Variants in KIAA0232 observed in about 807,000 individuals in gnomAD.
The protein encoded by KIAA0232 is uncharacterized protein KIAA0232.
Under a neutral mutation model 122.0 loss-of-function variants are expected in KIAA0232, and 27 were observed. The observed-to-expected ratio is 0.22, with a 90% CI of 0.16 to 0.31. KIAA0232 has a LOEUF of 0.31. KIAA0232 is among the 10% of genes least tolerant of loss of function. The pLI is 1.00. For synonymous variants in KIAA0232, 613 were observed against 587.6 expected (o/e 1.04, Z -0.63); for missense variants, 1,551 against 1,634.2 (o/e 0.95, Z 0.88).
rs184510006 is a variant in KIAA0232, at chr4:6,845,972, C to A, written c.369+3768C>A. 2.1e-3 allele frequency among the ~76,000 whole-genome samples: 314 copies of A among 152,118 alleles called. 1 individual carries two copies. The highest frequency in any genetic ancestry group is 4.0e-3 in the Non-Finnish European group (270 of 68,004). ...GGGAATGGTTGTGGCTTATAAAGAT[C>A]TTTGATTCTTTAGGTTATTGCTTTG... On this transcript the variant is annotated intron_variant, in intron 4 of 9. Coordinates refer to ENST00000307659, the MANE Select transcript of KIAA0232 (RefSeq NM_014743.3).
chr4:6,837,650 G>A (rs1577386318), intron 3 of KIAA0232, among the ~76,000 whole-genome samples: 1 of 152,364 alleles, frequency 6.6e-6, no homozygotes, highest in East Asian at 1.9e-4. Flanking sequence ...GCGAGACTCC[G>A]TCTGCAATCC....
rs1187885904 is a variant in KIAA0232, at chr4:6,855,017, C to CCT, written c.370-2144_370-2143dup. ...AAGGGTGATGACAGCTTCTGCTGTG[C>CCT]CTCTATGCTTCCCAGCTTGCTGTGA... On this transcript the variant is annotated intron_variant, in intron 4 of 9. Coordinates refer to ENST00000307659, the MANE Select transcript of KIAA0232 (RefSeq NM_014743.3). The surrounding 1 kb of genome is among the most constrained non-coding windows in gnomAD (Gnocchi z 4.3). 6.6e-6 allele frequency among the ~76,000 whole-genome samples: 1 copy of CCT among 152,118 alleles called. No individual in the cohort carries two copies. Among genetic ancestry groups the CCT allele is most frequent in the African/African-American group, 2.4e-5 (1 of 41,424 alleles).
Position 6,864,009 on chromosome 4 carries a change from G to C in KIAA0232, c.3627G>C (p.Gln1209His). The change falls in exon 7 of 10, where the codon CAG becomes CAC. Residue 1209 changes from glutamine to histidine, a missense_variant. Physicochemically the swap from Gln to His is conservative, Grantham distance 24. Coordinates refer to ENST00000307659, the MANE Select transcript of KIAA0232 (RefSeq NM_014743.3). ...TTCTTTCAGTAGGAAAGCAAAATCA[G>C]TGTTTGGAATGTAGCATGAATGAAT... Reference protein sequence around the residue: ...TGILSVGKQNQCLECSMNESL... With the variant: ...TGILSVGKQNHCLECSMNESL... 1.9e-6 allele frequency: 3 copies of C among 1,614,158 alleles called. 1 individual carries two copies. Among genetic ancestry groups the C allele is most frequent in the Admixed American group, 1.7e-5 (1 of 60,026 alleles).
At chr4:6,804,231 T>C (rs1717513125) in intron 1 of KIAA0232, among the ~76,000 whole-genome samples, 1 of 152,206 alleles carries the variant, frequency 6.6e-6, no homozygotes, top group Non-Finnish European at 1.5e-5. Flanking sequence ...GTTTGTTAAA[T>C]ACAGGTATTC....
rs16839341 is a variant in KIAA0232, at chr4:6,805,730, G to T, written c.-270+1124G>T. Among the ~76,000 whole-genome samples the T allele has an allele frequency of 8.1e-3, 1,238 of 152,156 alleles. 14 individuals are homozygous for T. The highest frequency in any genetic ancestry group is 0.029 in the African/African-American group (1,186 of 41,522). ...ATTTTATATGATAAAATGTTTCAAC[G>T]TTGACAAAGTGGGTTTCATCATGTT... On this transcript the variant is annotated intron_variant, in intron 2 of 9. Coordinates refer to ENST00000307659, the MANE Select transcript of KIAA0232 (RefSeq NM_014743.3).
chr4:6,798,776 C>T lies in KIAA0232; in HGVS notation c.-353-5747C>T, dbSNP rs139792773. On this transcript the variant is annotated intron_variant, in intron 1 of 9. Coordinates refer to ENST00000307659, the MANE Select transcript of KIAA0232 (RefSeq NM_014743.3). ...TGTGTTGTCCAGGCTGGTCTCAAAC[C>T]CCTGGGCTCAAGCCATCCTCCTGCC... Among the ~76,000 whole-genome samples, 505 of 152,178 alleles carry T rather than the reference C, an allele frequency of 3.3e-3. 1 individual carries two copies. Among genetic ancestry groups the T allele is most frequent in the African/African-American group, 0.012 (496 of 41,532 alleles).
In KIAA0232 at chr4:6,881,139, C is replaced by G; in HGVS notation, c.*173C>G. 2.1e-6 allele frequency: 1 copy of G among 475,864 alleles called. No homozygotes were observed. The highest frequency in any genetic ancestry group is 3.5e-6 in the Non-Finnish European group (1 of 287,246). 29.5% of individuals were successfully genotyped at this position (475,864 alleles called of 1,614,324 possible). ...TTATTTTAGAGTTGAGGACAGCTAT[C>G]CTGTTAAAGATTTTTTTTCCCAGCT... On this transcript the variant is annotated 3_prime_UTR_variant, in exon 10 of 10. Transcript: ENST00000307659.
chr4:6,874,013 A>G (rs1721627182), intron 8 of KIAA0232, among the ~76,000 whole-genome samples: 1 of 152,188 alleles, frequency 6.6e-6, no homozygotes, highest in Non-Finnish European at 1.5e-5. Context: ...CTGACCTGGG[A>G]GCTCACAGCA....
intron 8 of KIAA0232, 88 bp downstream of exon 8, chr4:6,871,770 A>G (rs1721502796): frequency 2.5e-6 from 2 of 814,040 alleles, no homozygotes; most frequent in African/African-American, 3.4e-5. Flanking sequence ...TATCAGTCCA[A>G]GAAACATTTA....
chr4:6,865,426 A>C (rs925457649), intron 7 of KIAA0232, among the ~76,000 whole-genome samples: 1 of 152,136 alleles, frequency 6.6e-6, no homozygotes, highest in Non-Finnish European at 1.5e-5. Flanking sequence ...CAGCCTCCCA[A>C]GTAGCTGGGA....
chr4:6,871,796 G>T, intron 8 of KIAA0232, 114 bp downstream of exon 8: 1 of 688,274 alleles, frequency 1.5e-6, no homozygotes, highest in Non-Finnish European at 2.5e-6. Flanking sequence ...AGGTTTCTGT[G>T]TGGGTAGCAC....
In KIAA0232 at chr4:6,842,208, A is replaced by G. The variant is rs1435584491; in HGVS notation, c.369+4A>G. ...TCTTCGATCTGCTTCTGATGAAGTA[A>G]GTTTACATTTTGTTTCTAACACTTA... is the stretch of plus-strand genomic sequence containing the variant. On this transcript the variant is annotated splice_donor_region_variant and intron_variant, in intron 4 of 9. Coordinates refer to ENST00000307659, the MANE Select transcript of KIAA0232 (RefSeq NM_014743.3). 1 of 1,591,992 alleles carries G rather than the reference A, an allele frequency of 6.3e-7. No homozygotes were observed. The highest frequency in any genetic ancestry group is 1.1e-5 in the South Asian group (1 of 87,254).
intron 1 of KIAA0232, among the ~76,000 whole-genome samples, chr4:6,788,946 G>GA (rs1217783498): frequency 6.6e-6 from 1 of 150,766 alleles, no homozygotes; most frequent in Non-Finnish European, 1.5e-5. Flanking sequence ...TGTGTGTAAA[G>GA]AAAAAAATCT....
At chr4:6,816,158 A>G (rs1718112963) in intron 2 of KIAA0232, among the ~76,000 whole-genome samples, 1 of 151,924 alleles carries the variant, frequency 6.6e-6, no homozygotes. Context: ...CATTCTTCTG[A>G]TATCCTTGTA....
At position 6,861,384 on chromosome 4, in the gene KIAA0232, T is replaced by C. The variant is rs770491865; in HGVS notation, c.1002T>C (p.Leu334=). ...NKKGRNGQSR[L]SLKHGEKAER... ...AAGGGCGGAATGGGCAAAGCAGGCT[T>C]TCTTTGAAGCACGGTGAAAAGGCTG... The change falls in exon 7 of 10, where the codon CTT becomes CTC. Residue 334 remains leucine (L), a synonymous_variant. Transcript: ENST00000307659. 6.2e-7 allele frequency: 1 copy of C among 1,614,182 alleles called. No individual in the cohort carries two copies. The highest frequency in any genetic ancestry group is 8.5e-7 in the Non-Finnish European group (1 of 1,180,032).
In KIAA0232 at chr4:6,882,372, A is replaced by G. The variant is rs1024238868; in HGVS notation, c.*1406A>G. ...AGCTTCACCACTCATTTGGGCAGGC[A>G]GTAAACACACATATAATTTATTAGC... On this transcript the variant is annotated 3_prime_UTR_variant, in exon 10 of 10. Transcript: ENST00000307659. 1.3e-5 allele frequency: 2 copies of G among 152,268 alleles called. No homozygotes were observed. Among genetic ancestry groups the G allele is most frequent in the South Asian group, 2.1e-4 (1 of 4,836 alleles). The allele number at this position is 152,268 out of a possible 1,614,324, so 9.4% of individuals were successfully genotyped here.
intron 4 of KIAA0232, among the ~76,000 whole-genome samples, chr4:6,846,384 A>C (rs1057050248): frequency 6.6e-6 from 1 of 152,180 alleles, no homozygotes; most frequent in African/African-American, 2.4e-5. Context: ...GGAGGTGAAC[A>C]GCGAGCAAGC....
chr4:6,833,830 A>C (rs1719122289), intron 3 of KIAA0232, among the ~76,000 whole-genome samples: 1 of 152,048 alleles, frequency 6.6e-6, no homozygotes, highest in African/African-American at 2.4e-5. Flanking sequence ...AGGGTGAAAA[A>C]ACTTGTACTA....
In KIAA0232 at chr4:6,882,418, A is replaced by G. The variant is rs542260155; in HGVS notation, c.*1452A>G. 2 of 152,160 alleles carry G rather than the reference A, an allele frequency of 1.3e-5. No homozygotes were observed. Among genetic ancestry groups the G allele is most frequent in the African/African-American group, 4.8e-5 (2 of 41,430 alleles). 9.4% of individuals were successfully genotyped at this position (152,160 alleles called of 1,614,324 possible). On this transcript the variant is annotated 3_prime_UTR_variant, in exon 10 of 10. Transcript: ENST00000307659. ...TTAGCTGGGAGCTGAACTGGCTGTG[A>G]AATCTATGATTTGCTTTGAACATTT...
Sources: gnomAD v4.1 joint callset for allele counts (sites outside exome capture counted in the v4.1 genomes callset) on GRCh38, gnomAD v4.1.1 for gene constraint, Gnocchi (gnomAD v3.1) non-coding constraint, MANE v1.5 for transcripts, NCBI Gene and HGNC (gene_info 2026-07-23, HGNC 2026-07-21) for gene names.